The following ZCCHC17 variants were observed in gnomAD, a reference collection of about 807,000 sequenced individuals.
The protein encoded by ZCCHC17 is zinc finger CCHC-type containing 17, also known as zinc finger CCHC domain-containing protein 17.
In ZCCHC17, 18 loss-of-function variants were observed where a neutral mutation model predicts 30.6. The observed-to-expected ratio is 0.59, with a 90% CI of 0.41 to 0.87. The LOEUF is 0.87. ZCCHC17 is among the 40% of genes least tolerant of loss of function. The probability of loss-of-function intolerance (pLI) is 0.00; values close to 1 mark genes in which losing one functional copy is unlikely to be tolerated. For missense variants in ZCCHC17, 263 were observed against 284.2 expected (o/e 0.93, Z 0.54); for synonymous variants, 88 against 92.4 (o/e 0.95, Z 0.27).
intron 7 of ZCCHC17, among the ~76,000 whole-genome samples, chr1:31,351,558 T>C (rs187086098): frequency 2.1e-4 from 32 of 151,798 alleles, no homozygotes; most frequent in Admixed American, 2.1e-3. Flanking sequence ...CTAAGCAACA[T>C]AGGGAGACCC....
intron 2 of ZCCHC17, among the ~76,000 whole-genome samples, chr1:31,313,982 G>T (rs554562608): frequency 1.3e-5 from 2 of 152,014 alleles, no homozygotes; most frequent in Non-Finnish European, 2.9e-5. Flanking sequence ...TCCTGCCTAA[G>T]CCTCCAGAGT....
At chr1:31,330,461 G>C (rs925439556) in intron 3 of ZCCHC17, among the ~76,000 whole-genome samples, 2 of 152,158 alleles carry the variant, frequency 1.3e-5, no homozygotes, top group Non-Finnish European at 2.9e-5. Context: ...GCTCTGAAGA[G>C]CTCCCTTTGG....
At chr1:31,346,596 A>G (rs1024150124) in intron 5 of ZCCHC17, 44 bp from the exon 6 acceptor site, 24 of 1,554,276 alleles carry the variant, frequency 1.5e-5, no homozygotes, top group Non-Finnish European at 2.1e-5. Flanking sequence ...ATCTCTGGCC[A>G]TATCTCTTAA....
At chr1:31,316,447 T>A (rs185549887) in intron 2 of ZCCHC17, among the ~76,000 whole-genome samples, 1 of 152,194 alleles carries the variant, frequency 6.6e-6, no homozygotes, top group African/African-American at 2.4e-5. Context: ...TCTTTAATAA[T>A]GTTGTTACAC....
At chr1:31,299,017 A>G (rs192654957) in intron 1 of ZCCHC17, among the ~76,000 whole-genome samples, 4 of 152,214 alleles carry the variant, frequency 2.6e-5, no homozygotes, top group African/African-American at 9.6e-5. Flanking sequence ...ATTGAAAAAC[A>G]TATTTTGGCT....
chr1:31,348,387 G>A (rs1002486759), intron 6 of ZCCHC17, among the ~76,000 whole-genome samples: 3 of 152,132 alleles, frequency 2.0e-5, no homozygotes, highest in Non-Finnish European at 4.4e-5. Flanking sequence ...TTAGATGTGA[G>A]TGCCCACTTG....
chr1:31,331,342 CA>C (rs1638575954), intron 3 of ZCCHC17, among the ~76,000 whole-genome samples: 1 of 151,794 alleles, frequency 6.6e-6, no homozygotes, highest in Non-Finnish European at 1.5e-5. Context: ...GACGGGGTTT[CA>C]CCATGTTGGT....
At chr1:31,362,334 G>C (rs1557464813) in intron 7 of ZCCHC17, among the ~76,000 whole-genome samples, 1 of 152,214 alleles carries the variant, frequency 6.6e-6, no homozygotes, top group Non-Finnish European at 1.5e-5. Context: ...CTGGTTGGAA[G>C]CTGGCATCCT....
At chr1:31,318,728 A>G (rs1557433177) in intron 2 of ZCCHC17, among the ~76,000 whole-genome samples, 1 of 152,180 alleles carries the variant, frequency 6.6e-6, no homozygotes, top group Non-Finnish European at 1.5e-5. Flanking sequence ...TAGCTAATAT[A>G]AAATATAACT....
chr1:31,312,309 G>A (rs10753248), intron 2 of ZCCHC17, among the ~76,000 whole-genome samples: 118,680 of 152,040 alleles, frequency 0.78, 46,720 homozygotes, highest in African/African-American at 0.84. Flanking sequence ...CTTCCTCACA[G>A]GACACTAAGC....
At chr1:31,301,993 C>G (rs985687609) in intron 1 of ZCCHC17, among the ~76,000 whole-genome samples, 2 of 152,036 alleles carry the variant, frequency 1.3e-5, no homozygotes, top group Non-Finnish European at 2.9e-5. Context: ...TTTGGGAGGC[C>G]GAGGCGAGCA....
rs1335937386 is a variant in ZCCHC17 at position 31,348,822 on chromosome 1, T to C, written c.419-7T>C. 6 of 1,612,328 alleles carry C rather than the reference T, an allele frequency of 3.7e-6. No homozygotes were observed. Among genetic ancestry groups the C allele is most frequent in the Non-Finnish European group, 5.1e-6 (6 of 1,180,022 alleles). On this transcript the variant is annotated splice_polypyrimidine_tract_variant and splice_region_variant and intron_variant, in intron 6 of 7. Transcript: ENST00000344147. ...TTTTCTATACCTTTTCTACTTTTCTTCTGCAGGCCACTTTGCAAAAGATTG... is the reference window on the plus strand; with the variant it reads ...TTTTCTATACCTTTTCTACTTTTCTCCTGCAGGCCACTTTGCAAAAGATTG...
intron 7 of ZCCHC17, 57 bp from the exon 8 acceptor site, chr1:31,363,975 T>C: frequency 1.3e-6 from 2 of 1,586,924 alleles, no homozygotes; most frequent in Admixed American, 1.8e-5. Context: ...TTATGTGCTA[T>C]GATTGTTAAA....
At chr1:31,344,368 G>T (rs1490048966) in intron 5 of ZCCHC17, among the ~76,000 whole-genome samples, 1 of 152,114 alleles carries the variant, frequency 6.6e-6, no homozygotes, top group Non-Finnish European at 1.5e-5. Flanking sequence ...TCCCTCCATT[G>T]CCAGACTATT....
intron 3 of ZCCHC17, among the ~76,000 whole-genome samples, chr1:31,335,663 CAATTATTTCATTTTA>C (rs1326311867): frequency 1.3e-5 from 2 of 152,150 alleles, no homozygotes; most frequent in Non-Finnish European, 1.5e-5. Flanking sequence ...CCATGCCCAG[CAATTATTTCATTTTA>C]AATTATTTTT....
intron 1 of ZCCHC17, among the ~76,000 whole-genome samples, chr1:31,303,761 T>G (rs1298075383): frequency 6.6e-6 from 1 of 152,164 alleles, no homozygotes; most frequent in East Asian, 1.9e-4. Flanking sequence ...CCTGAAAACT[T>G]TTTTTCCTAC....
rs1478866026 is a variant in ZCCHC17 at position 31,364,218 on chromosome 1, T to C, written c.*25T>C. The C allele has an allele frequency of 2.5e-6, 4 of 1,597,100 alleles. No individual in the cohort carries two copies. Among genetic ancestry groups the C allele is most frequent in the Admixed American group, 1.8e-5 (1 of 55,848 alleles). On this transcript the variant is annotated 3_prime_UTR_variant, in exon 8 of 8. Coordinates refer to ENST00000344147, the MANE Select transcript of ZCCHC17 (RefSeq NM_016505.4). ...AGAGTATAAAGAGTGTAGGGGGTGG[T>C]TGAGAGTAAGAAACCAGGAGCCTTG...
chr1:31,360,524 G>A (rs970899737), intron 7 of ZCCHC17, among the ~76,000 whole-genome samples: 7 of 152,224 alleles, frequency 4.6e-5, no homozygotes, highest in Non-Finnish European at 1.0e-4. Context: ...GGCTAGACAC[G>A]TAGGGAAAAT....
intron 3 of ZCCHC17, among the ~76,000 whole-genome samples, chr1:31,327,013 T>C (rs1338081207): frequency 6.6e-6 from 1 of 152,204 alleles, no homozygotes; most frequent in African/African-American, 2.4e-5. Flanking sequence ...CTCAGAATAC[T>C]TCAGCCAACA....
Sources: gnomAD v4.1 joint callset for allele counts (sites outside exome capture counted in the v4.1 genomes callset) on GRCh38, gnomAD v4.1.1 for gene constraint, MANE v1.5 for transcripts, NCBI Gene and HGNC (gene_info 2026-07-23, HGNC 2026-07-21) for gene names.